The following GRIN3A variants were observed in gnomAD, a reference collection of about 807,000 sequenced individuals.
The protein encoded by GRIN3A is glutamate receptor ionotropic, NMDA 3A.
In GRIN3A, 47 loss-of-function variants were observed where a neutral mutation model predicts 92.4. The ratio of observed to expected loss-of-function variants is 0.51; its 90% CI spans 0.40 to 0.65. The LOEUF (loss-of-function observed/expected upper bound fraction) is 0.65, where lower values mean the gene tolerates loss of function less well. Among genes scored for constraint, GRIN3A ranks in the 30% least tolerant of loss-of-function variants. The pLI, the probability that GRIN3A is intolerant of heterozygous loss-of-function variation, is 0.00. For missense variants in GRIN3A, 1,324 were observed against 1,393.1 expected (o/e 0.95, Z 0.79); for synonymous variants, 527 against 540.6 (o/e 0.97, Z 0.35).
intron 6 of GRIN3A, among the ~76,000 whole-genome samples, chr9:101,581,610 C>T (rs756809350): frequency 2.4e-4 from 37 of 152,284 alleles, no homozygotes; most frequent in African/African-American, 8.4e-4. Flanking sequence ...TGGGCCCTTA[C>T]TAAGACAATA....
chr9:101,613,404 C>A lies in GRIN3A; in HGVS notation c.2738G>T (p.Cys913Phe), dbSNP rs1464309844. The change falls in exon 6 of 9, where the codon TGT becomes TTT. Residue 913 changes from cysteine (C) to phenylalanine (F), a missense_variant. Cys to Phe is a radical substitution (Grantham distance 205). Coordinates refer to ENST00000361820, the MANE Select transcript of GRIN3A (RefSeq NM_133445.3). Reference sequence around the variant, plus strand: ...CGTGACAGCAAAACTTCTCTTGCCACAGGGAACCACCCTGTACCACTTGTC... The same window carrying A: ...CGTGACAGCAAAACTTCTCTTGCCAAAGGGAACCACCCTGTACCACTTGTC... Reference protein sequence around the residue: ...LHDKWYRVVPCGKRSFAVTET... With the variant: ...LHDKWYRVVPFGKRSFAVTET... 1.8e-5 allele frequency: 29 copies of A among 1,614,214 alleles called. No homozygotes were observed. Among genetic ancestry groups the A allele is most frequent in the Non-Finnish European group, 2.2e-5 (26 of 1,180,040 alleles).
At chr9:101,642,115 G>A (rs1828874025) in intron 3 of GRIN3A, among the ~76,000 whole-genome samples, 1 of 152,036 alleles carries the variant, frequency 6.6e-6, no homozygotes, top group Non-Finnish European at 1.5e-5. Context: ...TATGGTATTG[G>A]CATAAAAACA....
At chr9:101,611,815 G>T (rs536806202) in intron 6 of GRIN3A, among the ~76,000 whole-genome samples, 2 of 152,214 alleles carry the variant, frequency 1.3e-5, no homozygotes, top group African/African-American at 2.4e-5. Flanking sequence ...ATGAGATTAT[G>T]AAGGGAGATA....
chr9:101,577,799 G>A lies in GRIN3A; in HGVS notation c.2977C>T (p.Gln993Ter). The A allele has an allele frequency of 6.2e-7, 1 of 1,612,874 alleles. No individual in the cohort carries two copies. The highest frequency in any genetic ancestry group is 1.1e-5 in the South Asian group (1 of 91,068). Residue 993 changes from glutamine to a stop codon, truncating the protein, a stop_gained, in exon 8 of 9, where the codon CAG becomes TAG. Transcript: ENST00000361820. LOFTEE classifies it high-confidence loss of function. ...INTSFIEEKQ[Q>*]HFKTKRVEKR... Reference sequence around the variant, plus strand: ...TCCACACGTTTGGTCTTGAAATGCTGCTGCTTTTCCTCTATAAATGATGTA... The same window carrying A: ...TCCACACGTTTGGTCTTGAAATGCTACTGCTTTTCCTCTATAAATGATGTA...
chr9:101,647,820 A>G (rs1365946963), intron 3 of GRIN3A, among the ~76,000 whole-genome samples: 1 of 151,856 alleles, frequency 6.6e-6, no homozygotes, highest in Non-Finnish European at 1.5e-5. Flanking sequence ...GTTCTGTGGT[A>G]TCAGTTACAA....
intron 1 of GRIN3A, among the ~76,000 whole-genome samples, chr9:101,691,290 A>G (rs1829615193): frequency 6.6e-6 from 1 of 152,174 alleles, no homozygotes; most frequent in South Asian, 2.1e-4. Context: ...TGAGAGATAG[A>G]CAATATGTAA....
At chr9:101,675,480 C>T (rs528144332) in intron 2 of GRIN3A, among the ~76,000 whole-genome samples, 1 of 152,076 alleles carries the variant, frequency 6.6e-6, no homozygotes, top group East Asian at 1.9e-4. Context: ...ACACATCACA[C>T]ATTCAATCAT....
chr9:101,683,764 A>C (rs920127814), intron 2 of GRIN3A, among the ~76,000 whole-genome samples: 6 of 151,764 alleles, frequency 4.0e-5, no homozygotes, highest in Non-Finnish European at 7.4e-5. Context: ...TACAGCTTCA[A>C]AGTTTGTGGA....
intron 1 of GRIN3A, among the ~76,000 whole-genome samples, chr9:101,711,046 T>C (rs1829870760): frequency 6.6e-6 from 1 of 152,176 alleles, no homozygotes; most frequent in Non-Finnish European, 1.5e-5. Context: ...CTCTCTCTCT[T>C]AAAATATCTT....
At chr9:101,727,990 A>G (rs1221735593) in intron 1 of GRIN3A, among the ~76,000 whole-genome samples, 1 of 151,854 alleles carries the variant, frequency 6.6e-6, no homozygotes, top group Non-Finnish European at 1.5e-5. Flanking sequence ...CAGCAACACA[A>G]TAACATCTCT....
At chr9:101,735,591 A>G (rs920051687) in intron 1 of GRIN3A, among the ~76,000 whole-genome samples, 5 of 151,878 alleles carry the variant, frequency 3.3e-5, no homozygotes, top group African/African-American at 1.2e-4. Flanking sequence ...ACAATCTACA[A>G]ATGAAAAGGA....
chr9:101,624,209 A>T (rs541066869), intron 4 of GRIN3A, among the ~76,000 whole-genome samples: 80 of 151,228 alleles, frequency 5.3e-4, no homozygotes, highest in East Asian at 1.7e-3. Flanking sequence ...TTTTTTAAAA[A>T]TTTTTTTTAT....
chr9:101,643,724 C>A (rs368976015), intron 3 of GRIN3A, among the ~76,000 whole-genome samples: 3 of 150,732 alleles, frequency 2.0e-5, no homozygotes, highest in Non-Finnish European at 4.4e-5. Context: ...AGCTCTAACA[C>A]GGAAGGAAAT....
intron 1 of GRIN3A, among the ~76,000 whole-genome samples, chr9:101,729,079 T>C (rs1830109998): frequency 6.6e-6 from 1 of 152,106 alleles, no homozygotes. Context: ...TAGCAGTGAG[T>C]GGAATCACCA....
At chr9:101,623,799 T>C (rs1253778232) in intron 4 of GRIN3A, among the ~76,000 whole-genome samples, 1 of 152,250 alleles carries the variant, frequency 6.6e-6, no homozygotes, top group Non-Finnish European at 1.5e-5. Context: ...CATTCATTGT[T>C]CTCTATACCT....
At chr9:101,735,900 T>C (rs1830198329) in intron 1 of GRIN3A, among the ~76,000 whole-genome samples, 1 of 152,170 alleles carries the variant, frequency 6.6e-6, no homozygotes, top group South Asian at 2.1e-4. Flanking sequence ...ATCTCTGTAG[T>C]TCGGCTAGGA....
intron 1 of GRIN3A, among the ~76,000 whole-genome samples, chr9:101,726,379 G>A (rs1446787132): frequency 1.3e-5 from 2 of 152,198 alleles, no homozygotes; most frequent in Admixed American, 1.3e-4. Flanking sequence ...GAAACTGAGA[G>A]AAGAGCCATT....
At chr9:101,663,861 T>C (rs1351812050) in intron 3 of GRIN3A, among the ~76,000 whole-genome samples, 1 of 130,860 alleles carries the variant, frequency 7.6e-6, no homozygotes, top group Non-Finnish European at 1.8e-5. Context: ...GAATTTTTCT[T>C]TTTCTTTTTT....
chr9:101,579,515 A>G (rs1808678054), intron 6 of GRIN3A, among the ~76,000 whole-genome samples, 155 bp from the exon 7 acceptor site: 1 of 152,152 alleles, frequency 6.6e-6, no homozygotes, highest in Non-Finnish European at 1.5e-5. Context: ...CCTTCATTAT[A>G]CATCATGAAA....
Sources: gnomAD v4.1 joint callset for allele counts (sites outside exome capture counted in the v4.1 genomes callset) on GRCh38, gnomAD v4.1.1 for gene constraint, MANE v1.5 for transcripts, NCBI Gene and HGNC (gene_info 2026-07-23, HGNC 2026-07-21) for gene names.